BEND3: variants seen among roughly 807,000 people sequenced by gnomAD.
BEND3 encodes the protein BEN domain containing 3, also known as BEN domain-containing protein 3.
Under a neutral mutation model 60.1 loss-of-function variants are expected in BEND3, and 13 were observed. The ratio of observed to expected loss-of-function variants is 0.22; its 90% confidence interval spans 0.14 to 0.34. The LOEUF (loss-of-function observed/expected upper bound fraction) is 0.34. BEND3 is among the 10% of genes least tolerant of loss of function. The pLI, the probability that BEND3 is intolerant of heterozygous loss-of-function variation, is 1.00. For missense variants in BEND3, 896 were observed against 1,138.1 expected (o/e 0.79, Z 3.06); for synonymous variants, 497 against 491.5 (o/e 1.01, Z -0.15).
chr6:107,107,510 T>C (rs186175138), intron 1 of BEND3, among the ~76,000 whole-genome samples: 2 of 152,120 alleles, frequency 1.3e-5, no homozygotes, highest in African/African-American at 4.8e-5. Flanking sequence ...TCGCCCAGGC[T>C]GGAGTGCAGT....
intron 1 of BEND3, among the ~76,000 whole-genome samples, chr6:107,099,719 G>C (rs1554236533): frequency 2.0e-5 from 3 of 152,166 alleles, no homozygotes; most frequent in African/African-American, 4.8e-5. Flanking sequence ...GTTGTCAAGA[G>C]AACTGTGCTG....
chr6:107,111,077 A>C (rs1554238336), intron 1 of BEND3, among the ~76,000 whole-genome samples: 1 of 151,948 alleles, frequency 6.6e-6, no homozygotes, highest in Non-Finnish European at 1.5e-5. Context: ...AGGTGGGAGG[A>C]TCGCTTGAGC....
chr6:107,096,372 A>G (rs1489637712), intron 3 of BEND3, among the ~76,000 whole-genome samples: 2 of 152,164 alleles, frequency 1.3e-5, no homozygotes, highest in Admixed American at 6.5e-5. Flanking sequence ...AGCAATCTGG[A>G]AGGCCGAGGC....
At position 107,092,667 on chromosome 6, in the gene BEND3, G is replaced by A. The variant is rs1322824926; in HGVS notation, c.240+5884C>T. ...AAAATGAAATAAAAGGTATACTATC[G>A]CGAAGGAAAAAATAAAACTGTCTTT... is the stretch of plus-strand genomic sequence containing the variant. On this transcript the variant is annotated intron_variant, in intron 3 of 3. Transcript: ENST00000369042. Among the ~76,000 whole-genome samples, 59 of 144,164 alleles carry A rather than the reference G, an allele frequency of 4.1e-4. 1 individual carries two copies. Among genetic ancestry groups the A allele is most frequent in the South Asian group, 6.7e-4 (3 of 4,484 alleles). The allele number at this position is 144,164 out of a possible 152,430, so 94.6% of individuals were successfully genotyped here.
chr6:107,105,326 G>A (rs10457158), intron 1 of BEND3, among the ~76,000 whole-genome samples: 5 of 149,978 alleles, frequency 3.3e-5, no homozygotes, highest in East Asian at 2.0e-4. Flanking sequence ...AGCCGAGATC[G>A]CGCCACTGCA....
In BEND3 at chr6:107,070,762, A is replaced by G. The variant is rs782727921; in HGVS notation, c.429T>C (p.Asn143=). The change falls in exon 4 of 4, where the codon AAT becomes AAC. Residue 143 remains asparagine (N), a synonymous_variant. Transcript: ENST00000369042. The surrounding 1 kb of genome is among the most constrained non-coding windows in gnomAD (Gnocchi z 6.9). ...CGTTTAGCAGGTCCCCCGAGGGAGGATTCTTCTTCTCCATGATCTTGTGCG... is the reference window on the plus strand; with the variant it reads ...CGTTTAGCAGGTCCCCCGAGGGAGGGTTCTTCTTCTCCATGATCTTGTGCG... The part of the protein sequence containing the change: ...GISHKIMEKK[N]PPSGDLLNVY... 42 of 1,613,758 alleles carry G rather than the reference A, an allele frequency of 2.6e-5. No individual in the cohort carries two copies. Among genetic ancestry groups the G allele is most frequent in the Non-Finnish European group, 3.6e-5 (42 of 1,180,004 alleles).
At chr6:107,093,172 A>T (rs1197832175) in intron 3 of BEND3, among the ~76,000 whole-genome samples, 2 of 152,202 alleles carry the variant, frequency 1.3e-5, no homozygotes, top group South Asian at 4.1e-4. Context: ...AATAGCCAAC[A>T]CAATAGTGAA....
At position 107,099,265 on chromosome 6, in the gene BEND3, G is replaced by A. The variant is rs782293241; in HGVS notation, c.21C>T (p.Thr7=). 65 of 1,609,876 alleles carry A rather than the reference G, an allele frequency of 4.0e-5. 1 individual carries two copies. The highest frequency in any genetic ancestry group is 8.8e-5 in the South Asian group (8 of 90,580). ...TTTTTTTACCTTCTTCTACATCTTC[G>A]GTGAATTCAGTTGAGTTCATCTTCT... MNSTEF[T]EDVEEVLKSI... is the part of the protein sequence containing the mutation. Residue 7 remains threonine (T), a synonymous_variant, in exon 2 of 4, where the codon ACC becomes ACT. Coordinates refer to ENST00000369042, the MANE Select transcript of BEND3 (RefSeq NM_001367314.1).
rs1459273464 is a variant in BEND3, at chr6:107,090,451, A to G, written c.240+8100T>C. ...ATGTCAGAAACATGAATCTACATAA[A>G]GAAAGAAAGTGCATCAGGGAAGGAA... On this transcript the variant is annotated intron_variant, in intron 3 of 3. Coordinates refer to ENST00000369042, the MANE Select transcript of BEND3 (RefSeq NM_001367314.1). 4.6e-5 allele frequency among the ~76,000 whole-genome samples: 7 copies of G among 152,234 alleles called. No homozygotes were observed. The East Asian group carries it at 1.2e-3, about 25-fold the overall frequency.
At chr6:107,083,991 C>G (rs1326397605) in intron 3 of BEND3, among the ~76,000 whole-genome samples, 12 of 152,340 alleles carry the variant, frequency 7.9e-5, no homozygotes, top group African/African-American at 2.9e-4. Flanking sequence ...CTTCAGGTAT[C>G]TGGGCCAGCA....
rs1554231123 is a variant in BEND3 at position 107,068,195 on chromosome 6, A to C, written c.*509T>G. 2 of 153,330 alleles carry C rather than the reference A, an allele frequency of 1.3e-5. No individual in the cohort carries two copies. Among genetic ancestry groups the C allele is most frequent in the African/African-American group, 4.8e-5 (2 of 41,468 alleles). 9.5% of individuals were successfully genotyped at this position (153,330 alleles called of 1,614,324 possible). On this transcript the variant is annotated 3_prime_UTR_variant, in exon 4 of 4. Coordinates refer to ENST00000369042, the MANE Select transcript of BEND3 (RefSeq NM_001367314.1). This position sits in a 1 kb window ranked among gnomAD's most constrained non-coding sequence, Gnocchi z 5.8. Reference sequence around the variant, plus strand: ...GTAAAATCAGTATCCATGCCACCTGAAGCTATGATTAGCCACTGTGCACGA... The same window carrying C: ...GTAAAATCAGTATCCATGCCACCTGCAGCTATGATTAGCCACTGTGCACGA...
rs531772930 is a variant in BEND3, at chr6:107,089,815, G to A, written c.240+8736C>T. ...TCACCATGTTGGCCAGGCTGGTCTCGAACTCCTGACCTCAAATGATTCACT... is the reference window on the plus strand; with the variant it reads ...TCACCATGTTGGCCAGGCTGGTCTCAAACTCCTGACCTCAAATGATTCACT... On this transcript the variant is annotated intron_variant, in intron 3 of 3. Transcript: ENST00000369042. 6.0e-5 allele frequency among the ~76,000 whole-genome samples: 9 copies of A among 150,718 alleles called. No homozygotes were observed. The East Asian group carries it at 1.9e-3, about 31-fold the overall frequency.
intron 1 of BEND3, among the ~76,000 whole-genome samples, 190 bp downstream of exon 1, chr6:107,114,900 G>C (rs1351281832): frequency 1.3e-5 from 2 of 149,238 alleles, no homozygotes; most frequent in African/African-American, 2.4e-5. Context: ...CGCCCGCTCC[G>C]GTCGCTCGGC....
At chr6:107,099,628 A>G (rs549913216) in intron 1 of BEND3, among the ~76,000 whole-genome samples, 27 of 152,340 alleles carry the variant, frequency 1.8e-4, no homozygotes, top group African/African-American at 6.5e-4. Flanking sequence ...ATCTCTTTTA[A>G]GTCCATGCTT....
rs781912717 is a variant in BEND3 at position 107,070,441 on chromosome 6, G to C, written c.750C>G (p.Ala250=). Residue 250 remains alanine, a synonymous_variant, in exon 4 of 4, where the codon GCC becomes GCG. Coordinates refer to ENST00000369042, the MANE Select transcript of BEND3 (RefSeq NM_001367314.1). The surrounding 1 kb of genome is among the most constrained non-coding windows in gnomAD (Gnocchi z 6.9). The part of the protein sequence containing the change: ...FQPPPEYQLT[A]AELKQIVDQS... ...GGTCCACGATCTGCTTGAGCTCTGC[G>C]GCTGTGAGCTGGTACTCAGGGGGCG... 1.9e-6 allele frequency: 3 copies of C among 1,614,086 alleles called. No individual in the cohort carries two copies. The South Asian group carries it at 3.3e-5, about 18-fold the overall frequency.
intron 3 of BEND3, among the ~76,000 whole-genome samples, chr6:107,071,798 T>C (rs1308790609): frequency 6.6e-6 from 1 of 152,240 alleles, no homozygotes; most frequent in African/African-American, 2.4e-5. Flanking sequence ...TTTGTGTATG[T>C]ACAATTCTAG....
intron 3 of BEND3, among the ~76,000 whole-genome samples, chr6:107,079,987 T>C (rs1183605906): frequency 6.6e-6 from 1 of 151,752 alleles, no homozygotes; most frequent in African/African-American, 2.4e-5. Context: ...CGCCTCGGCC[T>C]CCCAAAACGC....
At chr6:107,085,120 T>C (rs1775315290) in intron 3 of BEND3, among the ~76,000 whole-genome samples, 1 of 151,710 alleles carries the variant, frequency 6.6e-6, no homozygotes, top group Admixed American at 6.6e-5. Flanking sequence ...ATGCGCCACC[T>C]TTAAGAGCTG....
intron 1 of BEND3, among the ~76,000 whole-genome samples, chr6:107,106,549 C>T (rs1279539574): frequency 6.6e-6 from 1 of 152,174 alleles, no homozygotes; most frequent in Admixed American, 6.5e-5. Flanking sequence ...AAATGGAATT[C>T]TTTACTAAAC....
Sources: gnomAD v4.1 joint callset for allele counts (sites outside exome capture counted in the v4.1 genomes callset) on GRCh38, gnomAD v4.1.1 for gene constraint, Gnocchi (gnomAD v3.1) non-coding constraint, MANE v1.5 for transcripts, NCBI Gene and HGNC (gene_info 2026-07-23, HGNC 2026-07-21) for gene names.